Variants in NRG1 observed in about 807,000 individuals in gnomAD.
The protein encoded by NRG1 is pro-neuregulin-1, membrane-bound isoform.
In NRG1, 18 loss-of-function variants were observed where a neutral mutation model predicts 63.8. The observed-to-expected ratio is 0.28, with a 90% CI of 0.19 to 0.42. The LOEUF (loss-of-function observed/expected upper bound fraction) is 0.42. NRG1 is among the 10% of genes least tolerant of loss of function. The pLI, the probability that NRG1 is intolerant of heterozygous loss-of-function variation, is 1.00. For missense variants in NRG1, 762 were observed against 814.7 expected, an observed-to-expected ratio of 0.94 and a Z score of 0.79; for synonymous variants, 302 against 301.3, an observed-to-expected ratio of 1.00 and a Z score of -0.02.
Position 32,088,343 on chromosome 8 carries a change from C to T in NRG1, c.37+448912C>T, listed in dbSNP as rs560490857. ...ATAATCATGGAAAATAAATTCCAGA[C>T]GAGGTCAGATAAAGTGGATTATATG... On this transcript the variant is annotated intron_variant, in intron 1 of 10. Coordinates refer to the NRG1 transcript ENST00000519301. Among the ~76,000 whole-genome samples, 497 of 152,126 alleles carry T rather than the reference C, an allele frequency of 3.3e-3. 3 individuals are homozygous for T. Among genetic ancestry groups the T allele is most frequent in the African/African-American group, 0.011 (449 of 41,490 alleles).
intron 1 of NRG1, among the ~76,000 whole-genome samples, chr8:31,831,427 AT>A (rs35128768): frequency 6.6e-6 from 1 of 151,874 alleles, no homozygotes; most frequent in Non-Finnish European, 1.5e-5. Flanking sequence ...AGGGTTTGAG[AT>A]TTTTTTTGGA....
intron 1 of NRG1, among the ~76,000 whole-genome samples, chr8:32,107,201 G>T (rs1295077818): frequency 7.1e-6 from 1 of 141,722 alleles, no homozygotes; most frequent in African/African-American, 2.7e-5. Flanking sequence ...GCGCAACAGA[G>T]TGTGACTCAG....
chr8:32,716,092 A>G (rs1209473128), intron 5 of NRG1, among the ~76,000 whole-genome samples: 2 of 152,196 alleles, frequency 1.3e-5, no homozygotes, highest in Non-Finnish European at 2.9e-5. Flanking sequence ...GGGATTCAGA[A>G]GTGTAGCTCC....
At chr8:31,783,603 CAAA>C (rs772436543) in intron 1 of NRG1, among the ~76,000 whole-genome samples, 2 of 110,580 alleles carry the variant, frequency 1.8e-5, no homozygotes, top group South Asian at 3.1e-4. Context: ...TGTTTTCAGG[CAAA>C]AAAAAAAAAA....
chr8:31,897,465 A>G (rs1831668071), intron 1 of NRG1, among the ~76,000 whole-genome samples: 1 of 152,162 alleles, frequency 6.6e-6, no homozygotes, highest in Non-Finnish European at 1.5e-5. Flanking sequence ...ATAGTCCTGC[A>G]AATCTGTCTC....
At chr8:32,223,938 A>T (rs1846074207) in intron 1 of NRG1, among the ~76,000 whole-genome samples, 1 of 152,174 alleles carries the variant, frequency 6.6e-6, no homozygotes, top group Non-Finnish European at 1.5e-5. Context: ...GATGTAGCTG[A>T]TTTTGGAAGA....
chr8:32,464,459 C>T (rs1050951108), intron 1 of NRG1, among the ~76,000 whole-genome samples: 1 of 152,060 alleles, frequency 6.6e-6, no homozygotes. Context: ...ACTGATGACA[C>T]AGAACAAAAT....
intron 1 of NRG1, among the ~76,000 whole-genome samples, chr8:32,261,126 C>G (rs2129471564): frequency 6.6e-6 from 1 of 152,300 alleles, no homozygotes; most frequent in East Asian, 1.9e-4. Flanking sequence ...GTATACCTGT[C>G]TTCTAGCTTA....
At chr8:32,255,574 G>A (rs1332701404) in intron 1 of NRG1, among the ~76,000 whole-genome samples, 1 of 151,736 alleles carries the variant, frequency 6.6e-6, no homozygotes, top group Non-Finnish European at 1.5e-5. Context: ...GTTAGTCTTG[G>A]ACTTTCTTGA....
chr8:32,270,212 C>G (rs527825475), intron 1 of NRG1, among the ~76,000 whole-genome samples: 1 of 152,208 alleles, frequency 6.6e-6, no homozygotes, highest in South Asian at 2.1e-4. Flanking sequence ...TTGCTAAATT[C>G]ATATGTTAGC....
chr8:32,484,746 A>G (rs1333219744), intron 1 of NRG1, among the ~76,000 whole-genome samples: 4 of 152,124 alleles, frequency 2.6e-5, no homozygotes, highest in Admixed American at 2.6e-4. Context: ...TAACACATTT[A>G]TTTGTGACCT....
intron 1 of NRG1, among the ~76,000 whole-genome samples, chr8:31,911,554 G>A: frequency 6.6e-6 from 1 of 152,174 alleles, no homozygotes; most frequent in Non-Finnish European, 1.5e-5. Flanking sequence ...TGGGCACATA[G>A]AGGGGAGCAA....
At chr8:31,822,332 T>C (rs1824084168) in intron 1 of NRG1, among the ~76,000 whole-genome samples, 1 of 152,178 alleles carries the variant, frequency 6.6e-6, no homozygotes, top group African/African-American at 2.4e-5. Flanking sequence ...TTTTTTTTTC[T>C]ATAACCAACC....
intron 1 of NRG1, among the ~76,000 whole-genome samples, chr8:31,885,111 G>GCTACCA (rs1830622138): frequency 2.0e-5 from 3 of 152,092 alleles, no homozygotes; most frequent in Non-Finnish European, 2.9e-5. Flanking sequence ...GCTACCAATA[G>GCTACCA]ATGCAGACTC....
intron 1 of NRG1, among the ~76,000 whole-genome samples, chr8:31,748,991 A>G (rs1031878897): frequency 2.0e-5 from 3 of 151,928 alleles, no homozygotes; most frequent in African/African-American, 7.2e-5. Flanking sequence ...TTTCAGTAAT[A>G]AAAATTTGAA....
rs142112318 is a variant in NRG1, at chr8:32,266,117, C to T, written c.38-329711C>T. 1.2e-4 allele frequency among the ~76,000 whole-genome samples: 18 copies of T among 152,272 alleles called. No homozygotes were observed. The East Asian group carries it at 2.9e-3, about 25-fold the overall frequency. ...CCATAAAGGAAACATTTTATCTCTT[C>T]TGTGTCAGTCTGTGACCTTTTGGGT... On this transcript the variant is annotated intron_variant, in intron 1 of 10. Transcript: ENST00000519301.
chr8:32,143,709 G>A (rs1344562771), intron 1 of NRG1, among the ~76,000 whole-genome samples: 3 of 152,186 alleles, frequency 2.0e-5, no homozygotes, highest in South Asian at 2.1e-4. Context: ...CACTCCACAA[G>A]TATTCCACCC....
At chr8:32,620,407 CA>C in intron 5 of NRG1, among the ~76,000 whole-genome samples, 1 of 150,878 alleles carries the variant, frequency 6.6e-6, no homozygotes, top group African/African-American at 2.4e-5. Context: ...ATTTGGGGGT[CA>C]GTGTAAGACA....
At chr8:32,706,731 T>C (rs183945189) in intron 5 of NRG1, among the ~76,000 whole-genome samples, 26 of 152,268 alleles carry the variant, frequency 1.7e-4, no homozygotes, top group Admixed American at 1.2e-3. Flanking sequence ...GACCTGGTGA[T>C]TGAGGTCATA....
Sources: allele counts gnomAD v4.1 joint callset (sites outside exome capture counted in the v4.1 genomes callset), GRCh38; gene constraint gnomAD v4.1.1; transcripts MANE v1.5; gene names NCBI Gene and HGNC (gene_info 2026-07-23, HGNC 2026-07-21).